The following ZNF280D variants were observed in gnomAD, a reference collection of about 807,000 sequenced individuals.
ZNF280D encodes the protein suppressor of hairy wing homolog 4.
Under a neutral mutation model 94.7 loss-of-function variants are expected in ZNF280D, and 39 were observed. That is an observed-to-expected ratio of 0.41 (90% CI 0.32 to 0.54). The LOEUF (loss-of-function observed/expected upper bound fraction) is 0.54, where lower values mean the gene tolerates loss of function less well. Among genes scored for constraint, ZNF280D ranks in the 20% least tolerant of loss-of-function variants. The probability of loss-of-function intolerance (pLI) is 0.22; values close to 1 mark genes in which losing one functional copy is unlikely to be tolerated. For missense variants in ZNF280D, 1,090 were observed against 1,149.3 expected (o/e 0.95, Z 0.75); for synonymous variants, 398 against 377.6 (o/e 1.05, Z -0.63).
intron 9 of ZNF280D, among the ~76,000 whole-genome samples, chr15:56,683,169 A>G (rs1232902360): frequency 6.6e-6 from 1 of 152,168 alleles, no homozygotes; most frequent in Non-Finnish European, 1.5e-5. Flanking sequence ...AACTTTGTTC[A>G]CAGAGTACCT....
intron 16 of ZNF280D, 21 bp from the exon 17 acceptor site, chr15:56,658,507 G>A (rs1309731521): frequency 5.3e-6 from 8 of 1,519,512 alleles, no homozygotes; most frequent in Non-Finnish European, 7.0e-6. Context: ...AAAAGAGATA[G>A]TAAAAATTTT....
intron 4 of ZNF280D, among the ~76,000 whole-genome samples, chr15:56,702,354 T>G (rs1407064996): frequency 6.6e-6 from 1 of 152,200 alleles, no homozygotes; most frequent in African/African-American, 2.4e-5. Context: ...TTCTTGCAGT[T>G]TTATATAAAC....
intron 16 of ZNF280D, among the ~76,000 whole-genome samples, chr15:56,663,973 A>G (rs1380714839): frequency 2.0e-5 from 3 of 152,206 alleles, no homozygotes; most frequent in African/African-American, 7.2e-5. Context: ...TTTATTACAT[A>G]TTGTATGCTT....
At chr15:56,702,911 AC>A (rs1389395992) in intron 4 of ZNF280D, among the ~76,000 whole-genome samples, 29 of 678 alleles carry the variant, frequency 0.043, no homozygotes, top group Non-Finnish European at 0.16. Context: ...TGGTAAGTAA[AC>A]ACACACACAC....
chr15:56,669,902 A>ATATATATATATTAC (rs1491164823), intron 13 of ZNF280D, among the ~76,000 whole-genome samples: 2 of 2,744 alleles, frequency 7.3e-4, no homozygotes, highest in Non-Finnish European at 1.5e-3. Flanking sequence ...ATATATATAT[A>ATATATATATATTAC]ATATATATAT....
chr15:56,632,890 T>A (rs1242455749), intron 21 of ZNF280D, among the ~76,000 whole-genome samples: 5 of 148,116 alleles, frequency 3.4e-5, no homozygotes, highest in Admixed American at 1.3e-4. Context: ...TAGCCCAATT[T>A]AAAAAAAAAA....
intron 13 of ZNF280D, among the ~76,000 whole-genome samples, chr15:56,672,344 G>A (rs2054925781): frequency 1.3e-5 from 2 of 151,914 alleles, no homozygotes; most frequent in Admixed American, 1.3e-4. Context: ...ATTATTTTGA[G>A]GTATGTTCCC....
chr15:56,635,567 A>T (rs1277968577), intron 20 of ZNF280D: 1 of 153,140 alleles, frequency 6.5e-6, no homozygotes, highest in African/African-American at 2.4e-5. Context: ...ACAATTACTT[A>T]AATAGAAAAC....
chr15:56,728,416 G>A (rs2058731997), intron 1 of ZNF280D, among the ~76,000 whole-genome samples: 1 of 152,166 alleles, frequency 6.6e-6, no homozygotes, highest in African/African-American at 2.4e-5. Context: ...AAATTCATTG[G>A]ATTGATCATT....
chr15:56,652,048 A>C (rs2053238244), intron 19 of ZNF280D, among the ~76,000 whole-genome samples: 1 of 98,688 alleles, frequency 1.0e-5, no homozygotes, highest in African/African-American at 3.5e-5. Flanking sequence ...TAAGAAAAAA[A>C]AAAAAACAAC....
At chr15:56,651,383 T>A (rs1018661129) in intron 19 of ZNF280D, among the ~76,000 whole-genome samples, 5 of 152,190 alleles carry the variant, frequency 3.3e-5, no homozygotes, top group African/African-American at 1.2e-4. Flanking sequence ...AGACTCAAAC[T>A]AAAACTCATT....
At chr15:56,647,704 A>G (rs1432181900) in intron 19 of ZNF280D, among the ~76,000 whole-genome samples, 1 of 151,876 alleles carries the variant, frequency 6.6e-6, no homozygotes, top group Non-Finnish European at 1.5e-5. Flanking sequence ...TAATTTTTAT[A>G]CTTTTTTGTA....
chr15:56,701,785 A>G (rs1190138616), intron 4 of ZNF280D, among the ~76,000 whole-genome samples: 1 of 152,138 alleles, frequency 6.6e-6, no homozygotes, highest in Non-Finnish European at 1.5e-5. Flanking sequence ...AAGAAAAACT[A>G]TCAGAGATTG....
At chr15:56,704,602 T>A (rs2057288164) in intron 3 of ZNF280D, among the ~76,000 whole-genome samples, 1 of 152,176 alleles carries the variant, frequency 6.6e-6, no homozygotes, top group South Asian at 2.1e-4. Context: ...ACTGTCTTTT[T>A]AAAAATGTAT....
intron 9 of ZNF280D, among the ~76,000 whole-genome samples, chr15:56,685,993 A>G (rs1370290751): frequency 6.6e-5 from 10 of 152,212 alleles, no homozygotes; most frequent in African/African-American, 2.2e-4. Context: ...AAAATAAAAG[A>G]CTAAACAAAG....
chr15:56,681,897 T>C (rs2055642677), intron 10 of ZNF280D, among the ~76,000 whole-genome samples: 1 of 152,054 alleles, frequency 6.6e-6, no homozygotes, highest in Non-Finnish European at 1.5e-5. Context: ...CACAGAGTGG[T>C]TCTTCTTGTA....
intron 17 of ZNF280D, 98 bp from the exon 18 acceptor site, chr15:56,654,601 CATAACT>C: frequency 9.1e-7 from 1 of 1,096,432 alleles, no homozygotes; most frequent in Non-Finnish European, 1.3e-6. Flanking sequence ...TTGTGCCATA[CATAACT>C]ATAACTTCCC....
chr15:56,641,801 G>A (rs1404177215), intron 20 of ZNF280D, among the ~76,000 whole-genome samples: 2 of 151,586 alleles, frequency 1.3e-5, no homozygotes, highest in African/African-American at 2.4e-5. Context: ...GCGATAAACA[G>A]AAATGAAGAC....
intron 6 of ZNF280D, among the ~76,000 whole-genome samples, chr15:56,694,294 T>TAC (rs57017142): frequency 0.039 from 5,427 of 138,366 alleles, 122 homozygotes; most frequent in African/African-American, 0.068. Context: ...TAATGACACA[T>TAC]ACACACACAC....
Sources: gnomAD v4.1 joint callset for allele counts (sites outside exome capture counted in the v4.1 genomes callset) on GRCh38, gnomAD v4.1.1 for gene constraint, MANE v1.5 for transcripts, NCBI Gene and HGNC (gene_info 2026-07-23, HGNC 2026-07-21) for gene names.